Variants in USP35 observed in about 807,000 individuals in gnomAD.
USP35 encodes the protein ubiquitin carboxyl-terminal hydrolase 35.
A neutral mutation model predicts 83.8 loss-of-function variants in USP35; 69 were observed. The ratio of observed to expected loss-of-function variants is 0.82; its 90% CI spans 0.68 to 1.01. USP35 has a LOEUF of 1.01. Among genes scored for constraint, USP35 ranks in the 50% least tolerant of loss-of-function variants. The pLI, the probability that USP35 is intolerant of heterozygous loss-of-function variation, is 0.00. For synonymous variants in USP35, 714 were observed against 589.5 expected, an observed-to-expected ratio of 1.21 and a Z score of -3.06; for missense variants, 1,503 against 1,362.5, an observed-to-expected ratio of 1.10 and a Z score of -1.62.
intron 10 of USP35, among the ~76,000 whole-genome samples, chr11:78,211,672 T>C (rs1226910551): frequency 6.6e-6 from 1 of 152,240 alleles, no homozygotes. Context: ...GGTATCTCAT[T>C]GTGGTTTTGA....
chr11:78,199,747 A>G (rs1323471120), intron 4 of USP35, 23 bp downstream of exon 4: 5 of 1,613,978 alleles, frequency 3.1e-6, no homozygotes, highest in Admixed American at 1.7e-5. Flanking sequence ...GTCCTAGCCC[A>G]GAGTTACAGC....
chr11:78,211,637 A>G (rs1052487940), intron 10 of USP35, among the ~76,000 whole-genome samples: 3 of 152,152 alleles, frequency 2.0e-5, no homozygotes, highest in Non-Finnish European at 4.4e-5. Context: ...CTTTTTAATA[A>G]TCACCATTCT....
intron 3 of USP35, 135 bp downstream of exon 3, chr11:78,198,203 TCTATC>T: frequency 4.4e-6 from 6 of 1,369,304 alleles, no homozygotes; most frequent in Non-Finnish European, 6.0e-6. Flanking sequence ...TGTTCCATCA[TCTATC>T]CTTTCTTGAG....
At chr11:78,210,850 C>G in intron 10 of USP35, 106 bp downstream of exon 10, 1 of 1,241,302 alleles carries the variant, frequency 8.1e-7, no homozygotes, top group Non-Finnish European at 1.1e-6. Flanking sequence ...TTTGTAAATC[C>G]CATTCATCTG....
At chr11:78,204,577 C>T (rs1319268319) in intron 6 of USP35, among the ~76,000 whole-genome samples, 2 of 152,198 alleles carry the variant, frequency 1.3e-5, no homozygotes, top group African/African-American at 4.8e-5. Context: ...GATATTTTTG[C>T]ATCTTCTCTG....
intron 3 of USP35, among the ~76,000 whole-genome samples, chr11:78,198,347 C>T (rs1436180419): frequency 6.6e-6 from 1 of 152,150 alleles, no homozygotes; most frequent in Non-Finnish European, 1.5e-5. Context: ...CAGTTTCCCC[C>T]TCTGTAAAAG....
chr11:78,192,717 T>C (rs952533580), intron 1 of USP35, among the ~76,000 whole-genome samples: 1 of 152,282 alleles, frequency 6.6e-6, no homozygotes, highest in South Asian at 2.1e-4. Flanking sequence ...TGGTGTTAGG[T>C]AGAACAACAT....
chr11:78,220,303 A>G, the USP35 span: 10 of 1,611,364 alleles, frequency 6.2e-6, no homozygotes, highest in Admixed American at 1.7e-5. Flanking sequence ...TGCCCCCCCA[A>G]CTCTACTCCA....
chr11:78,196,657 C>G lies in USP35; in HGVS notation c.412C>G (p.Pro138Ala), dbSNP rs575448066. ...VLRTVCERPG[P>A]AACAQVARLL... The stretch of plus-strand genomic sequence containing the variant: ...GCGCACCGTGTGCGAGCGCCCGGGC[C>G]CCGCGGCCTGCGCGCAGGTGGCACG... The change falls in exon 2 of 11, where the codon CCC becomes GCC. Residue 138 changes from proline (P) to alanine (A), a missense_variant. Transcript: ENST00000529308. This position sits in a 1 kb window ranked among gnomAD's most constrained non-coding sequence, Gnocchi z 4.8. 117 of 1,412,024 alleles carry G rather than the reference C, an allele frequency of 8.3e-5. No homozygotes were observed. In the South Asian group the frequency reaches 9.9e-4, roughly 12 times the overall value. The allele number at this position is 1,412,024 out of a possible 1,614,324, so 87.5% of individuals were successfully genotyped here.
intron 7 of USP35, among the ~76,000 whole-genome samples, chr11:78,206,895 A>G (rs1863544687): frequency 6.6e-6 from 1 of 151,342 alleles, no homozygotes; most frequent in Admixed American, 6.6e-5. Context: ...TATCTCCTAT[A>G]GGATCAGACC....
At chr11:78,199,765 A>G (rs28619934) in intron 4 of USP35, 41 bp downstream of exon 4, 2 of 1,613,842 alleles carry the variant, frequency 1.2e-6, no homozygotes, top group Non-Finnish European at 1.7e-6. Flanking sequence ...AGCCTTTTGT[A>G]CTAGGCTCTT....
At chr11:78,204,477 A>C (rs1442158255) in intron 6 of USP35, among the ~76,000 whole-genome samples, 2 of 152,214 alleles carry the variant, frequency 1.3e-5, no homozygotes, top group African/African-American at 4.8e-5. Flanking sequence ...TAACATTATT[A>C]GGTTCTTAAG....
At chr11:78,221,271 C>A in the USP35 span, among the ~76,000 whole-genome samples, 151 of 152,350 alleles carry the variant, frequency 9.9e-4, no homozygotes, top group African/African-American at 3.5e-3. Context: ...AAATATCCTC[C>A]TCTGCCTGTG....
the USP35 span, among the ~76,000 whole-genome samples, chr11:78,227,909 G>T: frequency 5.9e-5 from 9 of 152,286 alleles, no homozygotes; most frequent in Admixed American, 4.6e-4. Flanking sequence ...TGAGGGGAAA[G>T]ATCTCTTTCC....
the USP35 span, chr11:78,227,166 C>G: frequency 2.9e-6 from 2 of 678,712 alleles, no homozygotes; most frequent in Non-Finnish European, 5.2e-6. Flanking sequence ...AAAATGGTGA[C>G]TAAAAGCATA....
downstream of USP35, chr11:78,215,338 C>T (rs567181859): frequency 1.3e-5 from 2 of 152,678 alleles, no homozygotes; most frequent in South Asian, 4.1e-4. Flanking sequence ...GCTCCAACAC[C>T]ACAGTAGAAA....
intron 1 of USP35, among the ~76,000 whole-genome samples, chr11:78,192,784 C>T (rs1227064693): frequency 6.6e-6 from 1 of 152,174 alleles, no homozygotes; most frequent in African/African-American, 2.4e-5. Flanking sequence ...TAGCATTTGT[C>T]CCCATTTTAC....
At chr11:78,236,599 G>C in the USP35 span, among the ~76,000 whole-genome samples, 3,060 of 152,158 alleles carry the variant, frequency 0.02, 114 homozygotes, top group African/African-American at 0.072. Context: ...TTAGCTATAG[G>C]GTTCCTTAGA....
chr11:78,223,606 C>G, the USP35 span: 2 of 1,613,590 alleles, frequency 1.2e-6, no homozygotes, highest in Middle Eastern at 1.7e-4. Context: ...GGTGGAAGAA[C>G]CTGGATTCAT....
Sources: allele counts gnomAD v4.1 joint callset (sites outside exome capture counted in the v4.1 genomes callset), GRCh38; gene constraint gnomAD v4.1.1; non-coding constraint Gnocchi (gnomAD v3.1); transcripts MANE v1.5; gene names NCBI Gene and HGNC (gene_info 2026-07-23, HGNC 2026-07-21).